TLE3: variants seen among roughly 807,000 people sequenced by gnomAD.
TLE3 encodes TLE family member 3, transcriptional corepressor.
A neutral mutation model predicts 93.0 loss-of-function variants in TLE3; 14 were observed. That is an observed-to-expected ratio of 0.15 (90% CI 0.10 to 0.24). The LOEUF is 0.24. Among genes scored for constraint, TLE3 ranks in the 10% least tolerant of loss-of-function variants. The pLI is 1.00. For missense variants in TLE3, 693 were observed against 1,046.6 expected (o/e 0.66, Z 4.66); for synonymous variants, 451 against 425.0 (o/e 1.06, Z -0.75).
intron 6 of TLE3, among the ~76,000 whole-genome samples, chr15:70,073,387 C>G (rs1157170012): frequency 6.6e-6 from 1 of 152,142 alleles, no homozygotes; most frequent in East Asian, 1.9e-4. Context: ...TGTATCCTAC[C>G]AAGCAGAGGA....
intron 6 of TLE3, chr15:70,066,657 G>C: frequency 6.1e-6 from 1 of 164,622 alleles, no homozygotes; most frequent in South Asian, 1.5e-4. Flanking sequence ...CCACCCTGAG[G>C]CTGGACCCTG....
chr15:70,089,792 G>A lies in TLE3; in HGVS notation c.234+4740C>T, dbSNP rs539712253. ...ATGAGACAGAATGACATTCTCCCACGTAGAAAGCAAAAGGAGATTTATTCC... is the reference window on the plus strand; with the variant it reads ...ATGAGACAGAATGACATTCTCCCACATAGAAAGCAAAAGGAGATTTATTCC... On this transcript the variant is annotated intron_variant, in intron 4 of 19. Coordinates refer to ENST00000451782, the MANE Select transcript of TLE3 (RefSeq NM_001105192.3). 3.9e-5 allele frequency among the ~76,000 whole-genome samples: 6 copies of A among 152,256 alleles called. 1 individual carries two copies. In the South Asian group the frequency reaches 1.0e-3, roughly 26 times the overall value.
At chr15:70,065,969 G>GGCCCCC in intron 7 of TLE3, 45 bp downstream of exon 7, 7 of 1,294,400 alleles carry the variant, frequency 5.4e-6, no homozygotes, top group Non-Finnish European at 7.8e-6. Flanking sequence ...GAGCGCCCAT[G>GGCCCCC]CCCACCCCTG....
chr15:70,052,572 C>T, intron 17 of TLE3, 48 bp from the exon 18 acceptor site: 1 of 1,584,046 alleles, frequency 6.3e-7, no homozygotes, highest in South Asian at 1.1e-5. Context: ...ATTCTCTGCC[C>T]TCAAGAGGAG....
rs1361717339 is a variant in TLE3, at chr15:70,057,789, A to C, written c.1052-131T>G. The C allele has an allele frequency of 5.2e-6, 6 of 1,143,338 alleles. No homozygotes were observed. The East Asian group carries it at 7.7e-5, about 15-fold the overall frequency. The allele number at this position is 1,143,338 out of a possible 1,614,324, so 70.8% of individuals were successfully genotyped here. ...CAGGCAGTCCTCTCAGACTGAACCC[A>C]CCCAAGTGGGATCCCTGCCTTCAGA... is the stretch of plus-strand genomic sequence containing the variant. On this transcript the variant is annotated intron_variant, in intron 12 of 19. Coordinates refer to ENST00000451782, the MANE Select transcript of TLE3 (RefSeq NM_001105192.3).
At chr15:70,096,584 C>T (rs1342395460) in intron 1 of TLE3, 191 bp downstream of exon 1, 1 of 1,524,974 alleles carries the variant, frequency 6.6e-7, no homozygotes, top group African/African-American at 1.4e-5. Context: ...AAGCAGCCCC[C>T]CGCGCCACTC....
At chr15:70,096,744 TG>T (rs1567067512) in intron 1 of TLE3, 30 bp downstream of exon 1, 3 of 1,612,398 alleles carry the variant, frequency 1.9e-6, no homozygotes, top group Non-Finnish European at 2.5e-6. Flanking sequence ...CCATGATAGA[TG>T]CTTAAATAAA....
chr15:70,096,923 C>G lies in TLE3; in HGVS notation c.-125G>C. 2.8e-6 allele frequency: 3 copies of G among 1,064,902 alleles called. No homozygotes were observed. Among genetic ancestry groups the G allele is most frequent in the Non-Finnish European group, 4.1e-6 (3 of 727,756 alleles). 66.0% of individuals were successfully genotyped at this position (1,064,902 alleles called of 1,614,324 possible). ...GGGAAACCGAGAGCTCGCCCCCGGC[C>G]CCCCCAGCTCGTTCTCGCAGCGAAA... On this transcript the variant is annotated 5_prime_UTR_variant, in exon 1 of 20. Transcript: ENST00000451782.
In TLE3 at chr15:70,097,071, A is replaced by T; in HGVS notation, c.-273T>A. The T allele has an allele frequency of 2.1e-6, 1 of 485,646 alleles. No homozygotes were observed. Among genetic ancestry groups the T allele is most frequent in the Non-Finnish European group, 3.5e-6 (1 of 283,222 alleles). The allele number at this position is 485,646 out of a possible 1,614,324, so 30.1% of individuals were successfully genotyped here. A position where few individuals can be genotyped will look rare whatever the true frequency, so the allele number is the denominator to read the frequency against. ...TTTGTGCGCCTAGGGCTCGGCGGGC[A>T]GCGGCCGGCCGCCTTCCCTGGGCTG... On this transcript the variant is annotated 5_prime_UTR_variant, in exon 1 of 20. Coordinates refer to ENST00000451782, the MANE Select transcript of TLE3 (RefSeq NM_001105192.3).
At chr15:70,091,972 C>G (rs560021987) in intron 4 of TLE3, among the ~76,000 whole-genome samples, 1 of 148,366 alleles carries the variant, frequency 6.7e-6, no homozygotes, top group Non-Finnish European at 1.5e-5. Context: ...ACAGTCCCCA[C>G]CCCCACCCCA....
chr15:70,077,487 C>G (rs2057503167), intron 4 of TLE3, among the ~76,000 whole-genome samples: 1 of 152,234 alleles, frequency 6.6e-6, no homozygotes, highest in Non-Finnish European at 1.5e-5. Flanking sequence ...TAAAAACAAT[C>G]TGAAGGCGCA....
At chr15:70,056,093 TG>T in intron 14 of TLE3, 1 of 636,732 alleles carries the variant, frequency 1.6e-6, no homozygotes, top group Non-Finnish European at 2.8e-6. Flanking sequence ...GGAGCTTCTG[TG>T]GGTGCTCAGA....
At chr15:70,055,366 C>T (rs1373952797) in intron 14 of TLE3, 68 bp from the exon 15 acceptor site, 3 of 1,520,240 alleles carry the variant, frequency 2.0e-6, no homozygotes, top group Non-Finnish European at 2.6e-6. Context: ...TAGGCCTGGC[C>T]CAGGTCATCT....
At chr15:70,052,581 A>G (rs948689168) in intron 17 of TLE3, 57 bp from the exon 18 acceptor site, 3 of 1,561,400 alleles carry the variant, frequency 1.9e-6, no homozygotes, top group Non-Finnish European at 2.6e-6. Context: ...CCTCAAGAGG[A>G]GGGCGGCTCC....
chr15:70,085,727 T>C (rs909104469), intron 4 of TLE3, among the ~76,000 whole-genome samples: 9 of 152,204 alleles, frequency 5.9e-5, no homozygotes, highest in Admixed American at 5.9e-4. Context: ...GAGAGGGGCA[T>C]GTCTTTCGAG....
intron 6 of TLE3, among the ~76,000 whole-genome samples, chr15:70,068,311 T>C (rs538457500): frequency 3.3e-5 from 5 of 152,346 alleles, no homozygotes; most frequent in African/African-American, 1.2e-4. Context: ...CATACTGCTA[T>C]ACAGCTTGAT....
chr15:70,075,017 T>TATAGTAGTTA (rs2057370550), intron 5 of TLE3, among the ~76,000 whole-genome samples: 1 of 152,324 alleles, frequency 6.6e-6, no homozygotes, highest in East Asian at 1.9e-4. Flanking sequence ...GAGATGCAGT[T>TATAGTAGTTA]ATAGTAGTTA....
At chr15:70,065,518 A>G (rs1394474534) in intron 7 of TLE3, among the ~76,000 whole-genome samples, 2 of 152,224 alleles carry the variant, frequency 1.3e-5, no homozygotes, top group Non-Finnish European at 2.9e-5. Flanking sequence ...TTGGTGAGAC[A>G]TAGATGTAAG....
Position 70,066,117 on chromosome 15 carries a change from TG to T in TLE3, c.473del (p.Pro158GlnfsTer2), listed in dbSNP as rs1567011886. 6.4e-7 allele frequency: 1 copy of T among 1,567,234 alleles called. No homozygotes were observed. The highest frequency in any genetic ancestry group is 8.7e-7 in the Non-Finnish European group (1 of 1,155,722). On this transcript the variant is annotated frameshift_variant, in exon 7 of 20. Coordinates refer to ENST00000451782, the MANE Select transcript of TLE3 (RefSeq NM_001105192.3). LOFTEE classifies it high-confidence loss of function. ...PSGLQPPGIP[P>X]VTGSSSGLLA... ...GCAGCCCGGAGCTGCTCCCTGTCAC[TG>T]GGGGGATTCCTGGAGGCTGGAGACC...
Sources: gnomAD v4.1 joint callset for allele counts (sites outside exome capture counted in the v4.1 genomes callset) on GRCh38, gnomAD v4.1.1 for gene constraint, MANE v1.5 for transcripts, NCBI Gene and HGNC (gene_info 2026-07-23, HGNC 2026-07-21) for gene names.